IGLON5: variants seen among roughly 807,000 people sequenced by gnomAD.
The protein encoded by IGLON5 is IgLON family member 5.
IGLON5 carries 16 observed loss-of-function variants against 38.2 expected under a neutral mutation model. The ratio of observed to expected loss-of-function variants is 0.42; its 90% confidence interval spans 0.28 to 0.64. IGLON5 has a LOEUF of 0.64. Among genes scored for constraint, IGLON5 ranks in the 30% least tolerant of loss-of-function variants. The pLI is 0.23. For synonymous variants in IGLON5, 207 were observed against 216.4 expected (o/e 0.96, Z 0.38); for missense variants, 366 against 483.4 (o/e 0.76, Z 2.28).
At position 51,327,352 on chromosome 19, in the gene IGLON5, T is replaced by A. The variant is rs1048520565; in HGVS notation, c.767+152T>A. 2.0e-5 allele frequency among the ~76,000 whole-genome samples: 3 copies of A among 152,066 alleles called. No individual in the cohort carries two copies. Among genetic ancestry groups the A allele is most frequent in the African/African-American group, 7.2e-5 (3 of 41,402 alleles). ...TCCAGCTTCTAGGTGATGGGATCTGTCCAGCCCCGGAGACAAGCTTGGGTC... is the reference window on the plus strand; with the variant it reads ...TCCAGCTTCTAGGTGATGGGATCTGACCAGCCCCGGAGACAAGCTTGGGTC... On this transcript the variant is annotated intron_variant, in intron 6 of 7. Transcript: ENST00000270642. The surrounding 1 kb of genome is among the most constrained non-coding windows in gnomAD (Gnocchi z 7.1).
chr19:51,321,940 G>A, intron 1 of IGLON5, 124 bp from the exon 2 acceptor site: 3 of 780,952 alleles, frequency 3.8e-6, no homozygotes, highest in Non-Finnish European at 6.6e-6. Flanking sequence ...TGGTGCATGT[G>A]TGTGGCAGCG....
In IGLON5 at chr19:51,327,697, G is replaced by T. The variant is rs1219351674; in HGVS notation, c.768-35G>T. Reference sequence around the variant, plus strand: ...AGTCGGGGGGCTGGCCTGGCTGGGCGCTGCGGCCCGGCCCCTGACCCGGAT... The same window carrying T: ...AGTCGGGGGGCTGGCCTGGCTGGGCTCTGCGGCCCGGCCCCTGACCCGGAT... On this transcript the variant is annotated intron_variant, in intron 6 of 7. Coordinates refer to ENST00000270642, the MANE Select transcript of IGLON5 (RefSeq NM_001101372.3). The surrounding 1 kb of genome is among the most constrained non-coding windows in gnomAD (Gnocchi z 7.1). 1.3e-6 allele frequency: 2 copies of T among 1,545,204 alleles called. No individual in the cohort carries two copies. The highest frequency in any genetic ancestry group is 2.4e-5 in the South Asian group (2 of 84,230).
chr19:51,314,641 T>G (rs1599822003), intron 1 of IGLON5, among the ~76,000 whole-genome samples: 1 of 151,770 alleles, frequency 6.6e-6, no homozygotes, highest in African/African-American at 2.4e-5. Flanking sequence ...GGGGATGGGG[T>G]GGGGTTGAGA....
At chr19:51,322,801 T>C (rs1985103466) in intron 2 of IGLON5, among the ~76,000 whole-genome samples, 1 of 150,846 alleles carries the variant, frequency 6.6e-6, no homozygotes, top group Non-Finnish European at 1.5e-5. Context: ...TCTGCCCCCC[T>C]CTCTCTCTGG....
intron 4 of IGLON5, 103 bp from the exon 5 acceptor site, chr19:51,326,661 T>A (rs916416227): frequency 8.1e-5 from 28 of 344,054 alleles, no homozygotes; most frequent in South Asian, 8.1e-4. Flanking sequence ...ACTCCAGGCC[T>A]TGCCGTGCCC....
rs189707363 is a variant in IGLON5 at position 51,325,197 on chromosome 19, G to C, written c.392-149G>C. On this transcript the variant is annotated intron_variant, in intron 3 of 7. Transcript: ENST00000270642. This position sits in a 1 kb window ranked among gnomAD's most constrained non-coding sequence, Gnocchi z 5.5. ...AGAGGAACTGCGGGTCTGAACTCCC[G>C]GGTCTGAGGGAGGAGGGGCTGGGGG... 70 of 1,108,040 alleles carry C rather than the reference G, an allele frequency of 6.3e-5. No homozygotes were observed. In the Admixed American group the frequency reaches 9.3e-4, roughly 15 times the overall value. The allele number at this position is 1,108,040 out of a possible 1,614,324, so 68.6% of individuals were successfully genotyped here.
rs369912214 is a variant in IGLON5 at position 51,328,656 on chromosome 19, C to A, written c.923-15C>A. ...ACTCTCAGGCCTCCCTCCATGACCC[C>A]TTCTCTTCCCCCAGGCCCAGGATCC... On this transcript the variant is annotated splice_polypyrimidine_tract_variant and intron_variant, in intron 7 of 7. Transcript: ENST00000270642. The A allele has an allele frequency of 9.1e-6, 14 of 1,543,380 alleles. 1 individual carries two copies. The South Asian group carries it at 1.7e-4, about 19-fold the overall frequency.
chr19:51,323,447 C>T (rs1208981693), intron 2 of IGLON5, among the ~76,000 whole-genome samples: 4 of 152,190 alleles, frequency 2.6e-5, no homozygotes, highest in Non-Finnish European at 4.4e-5. Context: ...TCAATAACCA[C>T]GAGCTATTGT....
At chr19:51,321,639 T>C (rs1469185252) in intron 1 of IGLON5, among the ~76,000 whole-genome samples, 16 of 152,232 alleles carry the variant, frequency 1.1e-4, no homozygotes, top group Admixed American at 1.0e-3. Flanking sequence ...TGTTTGTACA[T>C]ATGTCTCTGT....
chr19:51,312,684 C>A (rs1984797315), intron 1 of IGLON5, among the ~76,000 whole-genome samples: 1 of 151,758 alleles, frequency 6.6e-6, no homozygotes, highest in African/African-American at 2.4e-5. Context: ...AGTGGAAGAG[C>A]GATGGGCATG....
In IGLON5 at chr19:51,311,824, C is replaced by G. The variant is rs1599820465; in HGVS notation, c.-24C>G. 1 of 855,052 alleles carries G rather than the reference C, an allele frequency of 1.2e-6. No individual in the cohort carries two copies. The highest frequency in any genetic ancestry group is 5.1e-5 in the South Asian group (1 of 19,444). 53.0% of individuals were successfully genotyped at this position (855,052 alleles called of 1,614,324 possible). ...CCGGACCGGCCCCCCCTTTCCCCTC[C>G]CCCTCCGCGCCGCCTCTGCCGCGAT... On this transcript the variant is annotated 5_prime_UTR_variant, in exon 1 of 8. Transcript: ENST00000270642.
At chr19:51,322,233 A>G (rs1044545969) in intron 2 of IGLON5, 91 bp downstream of exon 2, 4 of 1,039,936 alleles carry the variant, frequency 3.8e-6, no homozygotes, top group Non-Finnish European at 5.9e-6. Context: ...GGTTACAGGA[A>G]CAGCCTGGGA....
At position 51,326,979 on chromosome 19, in the gene IGLON5, C is replaced by A. The variant is rs866979196; in HGVS notation, c.646+81C>A. Reference sequence around the variant, plus strand: ...AGGAGGGATCTGGGGGAAGAGGAAGCGGGGGCGAGACTTACGGGCCTGAGG... The same window carrying A: ...AGGAGGGATCTGGGGGAAGAGGAAGAGGGGGCGAGACTTACGGGCCTGAGG... On this transcript the variant is annotated intron_variant, in intron 5 of 7. Transcript: ENST00000270642. 1.1e-5 allele frequency: 18 copies of A among 1,573,916 alleles called. No individual in the cohort carries two copies. The African/African-American group carries it at 2.0e-4, about 18-fold the overall frequency.
chr19:51,319,981 A>G (rs1374077772), intron 1 of IGLON5, among the ~76,000 whole-genome samples: 2 of 151,528 alleles, frequency 1.3e-5, no homozygotes, highest in African/African-American at 4.9e-5. Context: ...AAGTGTGGGG[A>G]CTATTTCTAG....
intron 4 of IGLON5, 58 bp from the exon 5 acceptor site, chr19:51,326,706 T>C: frequency 7.3e-7 from 1 of 1,378,818 alleles, no homozygotes; most frequent in Non-Finnish European, 9.8e-7. Context: ...GTGCCCGTGT[T>C]GTCCCGTGTT....
chr19:51,318,364 C>T (rs140127267), intron 1 of IGLON5, among the ~76,000 whole-genome samples: 3 of 152,296 alleles, frequency 2.0e-5, no homozygotes, highest in East Asian at 3.9e-4. Context: ...CAGATACAGA[C>T]AGTCATCAGA....
chr19:51,325,692 C>T lies in IGLON5; in HGVS notation c.511+227C>T, dbSNP rs954083384. 3.9e-5 allele frequency among the ~76,000 whole-genome samples: 6 copies of T among 152,176 alleles called. No individual in the cohort carries two copies. The highest frequency in any genetic ancestry group is 1.2e-4 in the African/African-American group (5 of 41,436). On this transcript the variant is annotated intron_variant, in intron 4 of 7. Coordinates refer to ENST00000270642, the MANE Select transcript of IGLON5 (RefSeq NM_001101372.3). The surrounding 1 kb of genome is among the most constrained non-coding windows in gnomAD (Gnocchi z 5.5). ...TCCTAGGCCTGGGCCACTGCTTCTGCGTCACTTGCCAAACCCCAGCCTGCG... is the reference window on the plus strand; with the variant it reads ...TCCTAGGCCTGGGCCACTGCTTCTGTGTCACTTGCCAAACCCCAGCCTGCG...
At chr19:51,326,727 G>A (rs769278555) in intron 4 of IGLON5, 37 bp from the exon 5 acceptor site, 1 of 1,473,404 alleles carries the variant, frequency 6.8e-7, no homozygotes, top group Non-Finnish European at 9.1e-7. Context: ...AAGTGTTTGT[G>A]TCCGGCCCCG....
At chr19:51,326,682 T>G in intron 4 of IGLON5, 82 bp from the exon 5 acceptor site, 1 of 849,540 alleles carries the variant, frequency 1.2e-6, no homozygotes, top group Non-Finnish European at 1.6e-6. Flanking sequence ...GCCCCGCTGA[T>G]GTGTGTCCGT....
Sources: allele counts gnomAD v4.1 joint callset (sites outside exome capture counted in the v4.1 genomes callset), GRCh38; gene constraint gnomAD v4.1.1; non-coding constraint Gnocchi (gnomAD v3.1); transcripts MANE v1.5; gene names NCBI Gene and HGNC (gene_info 2026-07-23, HGNC 2026-07-21).